ZBTB34: variants seen among roughly 807,000 people sequenced by gnomAD.
ZBTB34 encodes zinc finger and BTB domain-containing protein 34.
Under a neutral mutation model 33.4 loss-of-function variants are expected in ZBTB34, and 1 was observed. The ratio of observed to expected loss-of-function variants is 0.03; its 90% CI spans 0.01 to 0.14. The LOEUF (loss-of-function observed/expected upper bound fraction) is 0.14, where lower values mean the gene tolerates loss of function less well. Ranked by LOEUF, ZBTB34 falls within the 10% of genes least tolerant of loss-of-function variation. The pLI, the probability that ZBTB34 is intolerant of heterozygous loss-of-function variation, is 1.00. For missense variants in ZBTB34, 406 were observed against 657.2 expected (o/e 0.62, Z 4.18); for synonymous variants, 283 against 253.5 (o/e 1.12, Z -1.11).
chr9:126,884,322 C>T (rs1371603934), exon 2 of ZBTB34: 1 of 166,886 alleles, frequency 6.0e-6, no homozygotes, highest in African/African-American at 2.4e-5. Flanking sequence ...AGTTCTCTAC[C>T]CTCTAATTTC....
chr9:126,879,347 T>G lies in ZBTB34; in HGVS notation c.-10-43T>G. 6.6e-7 allele frequency: 1 copy of G among 1,504,858 alleles called. No individual in the cohort carries two copies. Among genetic ancestry groups the G allele is most frequent in the Non-Finnish European group, 9.0e-7 (1 of 1,106,666 alleles). 93.2% of individuals were successfully genotyped at this position (1,504,858 alleles called of 1,614,324 possible). On this transcript the variant is annotated intron_variant, in intron 1 of 1. Transcript: ENST00000319119. This position sits in a 1 kb window ranked among gnomAD's most constrained non-coding sequence, Gnocchi z 6.4. Reference sequence around the variant, plus strand: ...TTGTGTTTATGCCACTTGTACTTAGTGAGGAGTCATTGGTGAATGATGCAA... The same window carrying G: ...TTGTGTTTATGCCACTTGTACTTAGGGAGGAGTCATTGGTGAATGATGCAA...
intron 1 of ZBTB34, among the ~76,000 whole-genome samples, chr9:126,861,279 C>T (rs574015814): frequency 6.6e-6 from 1 of 152,304 alleles, no homozygotes; most frequent in East Asian, 1.9e-4. Context: ...CCCCAGACGT[C>T]TCCGTGGCCA....
chr9:126,861,182 G>A (rs1382742532), intron 1 of ZBTB34, among the ~76,000 whole-genome samples: 1 of 152,176 alleles, frequency 6.6e-6, no homozygotes, highest in Non-Finnish European at 1.5e-5. Context: ...GCCAGGGGTC[G>A]GCCCTTCGGG....
rs760257572 is a variant in ZBTB34, at chr9:126,880,823, T to C, written c.1424T>C (p.Val475Ala). ...TCCCCCGAGAGAACAGATGTGTACG[T>C]GGAACAGAAACTAGAAAATGACGCA... The change falls in exon 2 of 2, where the codon GTG becomes GCG. Residue 475 changes from valine (V) to alanine (A), a missense_variant. Val to Ala is a moderately conservative substitution (Grantham distance 64). Around this residue, in one of 6 missense-constraint regions of ZBTB34, gnomAD observed 58 missense variants for 58.7 expected, o/e 0.99. Coordinates refer to ENST00000319119, the Ensembl canonical transcript of ZBTB34. This position sits in a 1 kb window ranked among gnomAD's most constrained non-coding sequence, Gnocchi z 6.7. 6.2e-7 allele frequency: 1 copy of C among 1,612,304 alleles called. No individual in the cohort carries two copies. The highest frequency in any genetic ancestry group is 8.5e-7 in the Non-Finnish European group (1 of 1,179,502).
chr9:126,875,703 C>G (rs2033346460), intron 1 of ZBTB34, among the ~76,000 whole-genome samples: 1 of 151,882 alleles, frequency 6.6e-6, no homozygotes, highest in Non-Finnish European at 1.5e-5. Flanking sequence ...CCAAGTGATT[C>G]TCTTGGGTTT....
In ZBTB34 at chr9:126,862,660, T is replaced by C. The variant is rs779577521; in HGVS notation, c.-11+1921T>C. The stretch of plus-strand genomic sequence containing the variant: ...TTCCTTCAAGCCCCTGCTGCAGATA[T>C]ACTTCCTCCAGAGGGTGTTCCCTGA... On this transcript the variant is annotated intron_variant, in intron 1 of 1. Coordinates refer to ENST00000319119, the Ensembl canonical transcript of ZBTB34. 1.3e-5 allele frequency among the ~76,000 whole-genome samples: 2 copies of C among 152,226 alleles called. 1 individual carries two copies.
At chr9:126,866,133 T>TC (rs367930210) in intron 1 of ZBTB34, among the ~76,000 whole-genome samples, 1 of 151,932 alleles carries the variant, frequency 6.6e-6, no homozygotes, top group Non-Finnish European at 1.5e-5. Flanking sequence ...CTTTTTTTTT[T>TC]CCCTCCCCGA....
At chr9:126,861,145 G>A (rs553899937) in intron 1 of ZBTB34, among the ~76,000 whole-genome samples, 1 of 152,278 alleles carries the variant, frequency 6.6e-6, no homozygotes, top group East Asian at 1.9e-4. Context: ...GAGGGCAGAT[G>A]GTTGAGTTCC....
intron 1 of ZBTB34, among the ~76,000 whole-genome samples, chr9:126,862,472 G>GT (rs1227091138): frequency 6.6e-6 from 1 of 152,122 alleles, no homozygotes; most frequent in African/African-American, 2.4e-5. Flanking sequence ...AAGACTCTCC[G>GT]TGGTTTGGCC....
chr9:126,870,178 A>G (rs2033259563), intron 1 of ZBTB34, among the ~76,000 whole-genome samples: 1 of 152,186 alleles, frequency 6.6e-6, no homozygotes, highest in Non-Finnish European at 1.5e-5. Flanking sequence ...GGAATAATCA[A>G]ATTCATTTTT....
chr9:126,866,230 C>G (rs886569664), intron 1 of ZBTB34, among the ~76,000 whole-genome samples: 1 of 152,162 alleles, frequency 6.6e-6, no homozygotes, highest in African/African-American at 2.4e-5. Flanking sequence ...CTCTCTAGCT[C>G]CAGCCCCATA....
chr9:126,877,294 T>G (rs1295729082), intron 1 of ZBTB34, among the ~76,000 whole-genome samples: 1 of 152,214 alleles, frequency 6.6e-6, no homozygotes, highest in Non-Finnish European at 1.5e-5. Flanking sequence ...TGTTAACATT[T>G]TACTGTGTTT....
At chr9:126,868,589 T>C (rs2033239001) in intron 1 of ZBTB34, among the ~76,000 whole-genome samples, 1 of 152,234 alleles carries the variant, frequency 6.6e-6, no homozygotes, top group Non-Finnish European at 1.5e-5. Context: ...TGTGCTCACC[T>C]TTGCAGTGTG....
At chr9:126,882,008 A>G (rs1001674427) in exon 2 of ZBTB34, 1 of 166,810 alleles carries the variant, frequency 6.0e-6, no homozygotes, top group African/African-American at 2.4e-5. Flanking sequence ...TCAGGTGCAC[A>G]GCAACTTTTT....
chr9:126,867,414 T>G (rs548383441), intron 1 of ZBTB34, among the ~76,000 whole-genome samples: 15 of 151,744 alleles, frequency 9.9e-5, no homozygotes, highest in Non-Finnish European at 1.6e-4. Flanking sequence ...AGAAGTAAAT[T>G]TTAGCATCTT....
chr9:126,878,727 T>G (rs1053750619), intron 1 of ZBTB34, among the ~76,000 whole-genome samples: 2 of 129,796 alleles, frequency 1.5e-5, no homozygotes, highest in African/African-American at 2.8e-5. Flanking sequence ...TTTTGTTTTG[T>G]TTTTTTTTTT....
chr9:126,866,952 G>A (rs755390524), intron 1 of ZBTB34, among the ~76,000 whole-genome samples: 116 of 152,052 alleles, frequency 7.6e-4, no homozygotes, highest in African/African-American at 2.7e-3. Flanking sequence ...TTTACAAAAC[G>A]TACATGAAGG....
At chr9:126,882,946 A>G (rs2033464096) in exon 2 of ZBTB34, 1 of 167,036 alleles carries the variant, frequency 6.0e-6, no homozygotes, top group Admixed American at 6.5e-5. Context: ...AACTCCCTAC[A>G]GATTACACTC....
chr9:126,873,005 G>A (rs1375006284), intron 1 of ZBTB34, among the ~76,000 whole-genome samples: 5 of 152,152 alleles, frequency 3.3e-5, no homozygotes, highest in Admixed American at 1.3e-4. Context: ...TTGGGAAGCC[G>A]CTTTCAGTTG....
Sources: allele counts gnomAD v4.1 joint callset (sites outside exome capture counted in the v4.1 genomes callset), GRCh38; gene constraint gnomAD v4.1.1; regional missense constraint gnomAD v4.1.1; non-coding constraint Gnocchi (gnomAD v3.1); transcripts MANE v1.5; gene names NCBI Gene and HGNC (gene_info 2026-07-23, HGNC 2026-07-21).